PFKP: variants seen among roughly 807,000 people sequenced by gnomAD.
The protein encoded by PFKP is ATP-dependent 6-phosphofructokinase, platelet type.
Under a neutral mutation model 94.3 loss-of-function variants are expected in PFKP, and 101 were observed. That is an observed-to-expected ratio of 1.07 (90% CI 0.91 to 1.26). The LOEUF (loss-of-function observed/expected upper bound fraction) is 1.26. Among genes scored for constraint, PFKP ranks in the 50% most tolerant of loss-of-function variants. The pLI is 0.00. For missense variants in PFKP, 1,145 were observed against 1,103.3 expected (o/e 1.04, Z -0.53); for synonymous variants, 573 against 432.6 (o/e 1.32, Z -4.03).
rs967798215 is a variant in PFKP, at chr10:3,069,254, C to T, written c.112+1547C>T. 66 of 1,459,280 alleles carry T rather than the reference C, an allele frequency of 4.5e-5. No individual in the cohort carries two copies. The African/African-American group carries it at 8.5e-4, about 19-fold the overall frequency. 90.4% of individuals were successfully genotyped at this position (1,459,280 alleles called of 1,614,324 possible). A position where few individuals can be genotyped will look rare whatever the true frequency, so the allele number is the denominator to read the frequency against. On this transcript the variant is annotated intron_variant, in intron 1 of 21. Transcript: ENST00000381125. ...TAGCATTCCAGTAAAAGGACCCCAG[C>T]ATCAACGTTCTTCCTGCAGGGCTGG...
chr10:3,119,643 T>TGA (rs1649582648), intron 15 of PFKP, among the ~76,000 whole-genome samples: 1 of 152,140 alleles, frequency 6.6e-6, no homozygotes, highest in Admixed American at 6.5e-5. Context: ...ACCTCAGAAA[T>TGA]GAGACTCTTA....
intron 13 of PFKP, among the ~76,000 whole-genome samples, chr10:3,115,608 CGTG>C (rs1836766120): frequency 6.6e-6 from 1 of 152,104 alleles, no homozygotes; most frequent in African/African-American, 2.4e-5. Flanking sequence ...GTGTGTGTCC[CGTG>C]GCCAAGAATG....
At chr10:3,111,726 A>G (rs923071481) in intron 10 of PFKP, among the ~76,000 whole-genome samples, 3 of 152,144 alleles carry the variant, frequency 2.0e-5, no homozygotes. Context: ...GGCGTGCATC[A>G]GTCCCAGCCC....
chr10:3,108,089 C>T (rs1835812661), intron 8 of PFKP: 3 of 1,104,892 alleles, frequency 2.7e-6, no homozygotes, highest in African/African-American at 1.6e-5. Flanking sequence ...TATAAGTGGT[C>T]ATCCATAAAG....
rs148846987 is a variant in PFKP at position 3,129,392 on chromosome 10, C to T, written c.1684-427C>T. On this transcript the variant is annotated intron_variant, in intron 16 of 21. Transcript: ENST00000381125. ...AAATAGAATAGCACAGCGGTTCTCA[C>T]GGACTAAGCTGGCAGGGGACAGTCC... 161 of 162,984 alleles carry T rather than the reference C, an allele frequency of 9.9e-4. 1 individual carries two copies. Among genetic ancestry groups the T allele is most frequent in the Non-Finnish European group, 1.9e-4 (14 of 74,708 alleles). 10.1% of individuals were successfully genotyped at this position (162,984 alleles called of 1,614,324 possible). A position where few individuals can be genotyped will look rare whatever the true frequency, so the allele number is the denominator to read the frequency against.
chr10:3,099,296 G>A lies in PFKP; in HGVS notation c.208G>A (p.Gly70Arg), dbSNP rs372587471. ...CTAGGGCTACCAGGGCATGGTGGAC[G>A]GAGGCTCAAACATCGCAGAGGCCGA... ...IYEGYQGMVD[G>R]GSNIAEADWE... The change falls in exon 3 of 22, where the codon GGA becomes AGA. Residue 70 changes from glycine (G) to arginine (R), a missense_variant. By Grantham distance (125) the Gly-to-Arg change is moderately radical. Around this residue, in one of 3 missense-constraint regions of PFKP, gnomAD observed 1,119 missense variants for 1,062.8 expected, o/e 1.05. Transcript: ENST00000381125. The A allele has an allele frequency of 1.3e-5, 21 of 1,613,932 alleles. No homozygotes were observed. The highest frequency in any genetic ancestry group is 1.6e-4 in the Middle Eastern group (1 of 6,084).
intron 18 of PFKP, 136 bp from the exon 19 acceptor site, chr10:3,133,058 CGTGAACTGG>C: frequency 1.5e-6 from 1 of 669,820 alleles, no homozygotes; most frequent in Non-Finnish European, 2.7e-6. Context: ...AAAGCAAAAC[CGTGAACTGG>C]AGGGACTGGT....
intron 5 of PFKP, 93 bp downstream of exon 5, chr10:3,104,037 TG>T: frequency 8.7e-7 from 1 of 1,149,670 alleles, no homozygotes. Flanking sequence ...TTCTGCAGAT[TG>T]GGTGTCCTGG....
In PFKP at chr10:3,077,045, G is replaced by A. The variant is rs188797152; in HGVS notation, c.113-5343G>A. 5.9e-3 allele frequency among the ~76,000 whole-genome samples: 895 copies of A among 152,158 alleles called. 23 individuals are homozygous for A. The highest frequency in any genetic ancestry group is 5.4e-3 in the Non-Finnish European group (369 of 68,012). On this transcript the variant is annotated intron_variant, in intron 1 of 21. Transcript: ENST00000381125. ...TAAGCTCATTTTCTAACAAAGCAGC[G>A]GGAGGAGTCGGCAAACTGACTTTAT... is the stretch of plus-strand genomic sequence containing the variant.
At chr10:3,081,161 A>G (rs759148507) in intron 1 of PFKP, among the ~76,000 whole-genome samples, 1 of 152,240 alleles carries the variant, frequency 6.6e-6, no homozygotes, top group Non-Finnish European at 1.5e-5. Context: ...TAAAATATGT[A>G]TCCCCAAGGT....
chr10:3,105,596 AAAT>A lies in PFKP; in HGVS notation c.774+96_774+98del, dbSNP rs1266612095. The A allele has an allele frequency of 1.6e-5, 14 of 854,746 alleles. No individual in the cohort carries two copies. The East Asian group carries it at 3.4e-4, about 21-fold the overall frequency. The allele number at this position is 854,746 out of a possible 1,614,324, so 52.9% of individuals were successfully genotyped here. On this transcript the variant is annotated intron_variant, in intron 7 of 21. Transcript: ENST00000381125. ...GGGACGGCATTTTAAGCAAGTGAAA[AAAT>A]TTCTCTGTCTCCAGTTTGTCACACT... is the stretch of plus-strand genomic sequence containing the variant.
At chr10:3,122,943 A>T (rs1460470174) in intron 16 of PFKP, among the ~76,000 whole-genome samples, 1 of 152,094 alleles carries the variant, frequency 6.6e-6, no homozygotes, top group African/African-American at 2.4e-5. Flanking sequence ...CCATAATAGG[A>T]GTCTGGCTCA....
intron 18 of PFKP, among the ~76,000 whole-genome samples, chr10:3,132,961 T>C (rs545212947): frequency 6.6e-6 from 1 of 152,344 alleles, no homozygotes; most frequent in East Asian, 1.9e-4. Context: ...GGTGTGCAAT[T>C]TAAAACTTAC....
chr10:3,127,293 C>T (rs1838061177), intron 16 of PFKP, among the ~76,000 whole-genome samples: 3 of 152,260 alleles, frequency 2.0e-5, no homozygotes, highest in South Asian at 2.1e-4. Flanking sequence ...GTCAGGGCTG[C>T]GCTGTTCCAC....
At chr10:3,086,332 C>T (rs1337301955) in intron 2 of PFKP, among the ~76,000 whole-genome samples, 1 of 152,210 alleles carries the variant, frequency 6.6e-6, no homozygotes, top group Non-Finnish European at 1.5e-5. Flanking sequence ...AATCACTTCT[C>T]TTATTTCACA....
At chr10:3,119,083 C>CAACTT (rs535432556) in intron 15 of PFKP, among the ~76,000 whole-genome samples, 17,641 of 145,872 alleles carry the variant, frequency 0.12, 1,068 homozygotes, top group Admixed American at 0.15. Flanking sequence ...AACCGAGAAG[C>CAACTT]AAAAGCTTGA....
At chr10:3,127,030 C>A (rs900618412) in intron 16 of PFKP, among the ~76,000 whole-genome samples, 1 of 152,278 alleles carries the variant, frequency 6.6e-6, no homozygotes, top group Non-Finnish European at 1.5e-5. Context: ...ACCTCCGTGC[C>A]ACACTGCAGG....
chr10:3,095,860 C>A (rs529993435), intron 2 of PFKP, among the ~76,000 whole-genome samples: 3 of 152,142 alleles, frequency 2.0e-5, no homozygotes, highest in Non-Finnish European at 2.9e-5. Context: ...CGTGACTTTG[C>A]AAATTAAAGA....
Position 3,101,377 on chromosome 10 carries a change from A to T in PFKP, c.277A>T (p.Ile93Phe). The T allele has an allele frequency of 6.3e-7, 1 of 1,591,002 alleles. No homozygotes were observed. The highest frequency in any genetic ancestry group is 1.1e-5 in the South Asian group (1 of 88,018). Residue 93 changes from isoleucine (I) to phenylalanine (F), a missense_variant, in exon 4 of 22, where the codon ATT becomes TTT. Physicochemically the swap from Ile to Phe is conservative, Grantham distance 21. This residue lies in a region of PFKP where 1,119 missense variants were observed against 1,062.8 expected (regional missense o/e 1.05). Transcript: ENST00000381125. Reference protein sequence around the residue: ...SSILQVGGTIIGSARCQAFRT... With the variant: ...SSILQVGGTIFGSARCQAFRT... Reference sequence around the variant, plus strand: ...GTGTCTTTCCCAGGGCGGGACGATCATTGGCAGTGCGCGGTGCCAGGCCTT... The same window carrying T: ...GTGTCTTTCCCAGGGCGGGACGATCTTTGGCAGTGCGCGGTGCCAGGCCTT...
Sources: gnomAD v4.1 joint callset for allele counts (sites outside exome capture counted in the v4.1 genomes callset) on GRCh38, gnomAD v4.1.1 for gene constraint, gnomAD v4.1.1 regional missense constraint, MANE v1.5 for transcripts, NCBI Gene and HGNC (gene_info 2026-07-23, HGNC 2026-07-21) for gene names.